Variants in FRMD5 observed in about 807,000 individuals in gnomAD.
FRMD5 encodes the protein FERM domain containing 5, also known as FERM domain-containing protein 5.
In FRMD5, 20 loss-of-function variants were observed where a neutral mutation model predicts 69.0. The observed-to-expected ratio is 0.29, with a 90% CI of 0.20 to 0.42. FRMD5 has a LOEUF of 0.42. Among genes scored for constraint, FRMD5 ranks in the 10% least tolerant of loss-of-function variants. The probability of loss-of-function intolerance (pLI) is 1.00; values close to 1 mark genes in which losing one functional copy is unlikely to be tolerated. For missense variants in FRMD5, 595 were observed against 708.6 expected, an observed-to-expected ratio of 0.84 and a Z score of 1.82; for synonymous variants, 271 against 260.1, an observed-to-expected ratio of 1.04 and a Z score of -0.40.
rs191515701 is a variant in FRMD5 at position 44,156,161 on chromosome 15, T to G, written c.102+38792A>C. 1.1e-3 allele frequency among the ~76,000 whole-genome samples: 173 copies of G among 151,958 alleles called. 1 individual carries two copies. The highest frequency in any genetic ancestry group is 4.1e-3 in the African/African-American group (168 of 41,446). Reference sequence around the variant, plus strand: ...AAAAAATGACATATAATTTTTTTTTTGAGACAGAGTCTCGCTCTGTCACCC... The same window carrying G: ...AAAAAATGACATATAATTTTTTTTTGGAGACAGAGTCTCGCTCTGTCACCC... On this transcript the variant is annotated intron_variant, in intron 1 of 13. Coordinates refer to ENST00000417257, the MANE Select transcript of FRMD5 (RefSeq NM_032892.5).
chr15:44,150,092 T>C (rs538365155), intron 1 of FRMD5, among the ~76,000 whole-genome samples: 16 of 152,182 alleles, frequency 1.1e-4, no homozygotes, highest in African/African-American at 3.9e-4. Flanking sequence ...ATAAAACTAT[T>C]TGACAAAAAT....
chr15:44,119,650 T>A (rs2076918776), intron 1 of FRMD5, among the ~76,000 whole-genome samples: 1 of 152,008 alleles, frequency 6.6e-6, no homozygotes, highest in Non-Finnish European at 1.5e-5. Context: ...AGTTTATGCA[T>A]TAGCAATGGT....
At chr15:43,911,351 T>C (rs1003714941) in intron 4 of FRMD5, among the ~76,000 whole-genome samples, 2 of 152,236 alleles carry the variant, frequency 1.3e-5, no homozygotes, top group African/African-American at 4.8e-5. Context: ...TTCCTCCTTG[T>C]TCTCTTGCCC....
intron 1 of FRMD5, among the ~76,000 whole-genome samples, chr15:43,948,206 C>A (rs1039176287): frequency 6.6e-6 from 1 of 152,218 alleles, no homozygotes; most frequent in Non-Finnish European, 1.5e-5. Flanking sequence ...AATATATAAT[C>A]ATTGTGCCAT....
chr15:43,887,244 G>A lies in FRMD5; in HGVS notation c.884+931C>T, dbSNP rs185289291. 1.4e-4 allele frequency among the ~76,000 whole-genome samples: 21 copies of A among 152,278 alleles called. 1 individual carries two copies. In the East Asian group the frequency reaches 3.5e-3, roughly 25 times the overall value. On this transcript the variant is annotated intron_variant, in intron 10 of 13. Coordinates refer to ENST00000417257, the MANE Select transcript of FRMD5 (RefSeq NM_032892.5). ...GCTAGTGCCTTCCTCTCTCTGCTGCGGAGACCCGTGGGACCCCAGTTCTTG... is the reference window on the plus strand; with the variant it reads ...GCTAGTGCCTTCCTCTCTCTGCTGCAGAGACCCGTGGGACCCCAGTTCTTG...
intron 1 of FRMD5, among the ~76,000 whole-genome samples, chr15:43,990,764 A>C (rs1889636515): frequency 6.6e-6 from 1 of 152,248 alleles, no homozygotes. Flanking sequence ...GAGACTAAAA[A>C]AACTGGCCAT....
intron 1 of FRMD5, among the ~76,000 whole-genome samples, chr15:44,065,270 G>A (rs1893261374): frequency 6.6e-6 from 1 of 152,176 alleles, no homozygotes; most frequent in Non-Finnish European, 1.5e-5. Flanking sequence ...TAATTATAAT[G>A]GTAAAGAGGT....
chr15:43,920,208 C>A (rs987327104), intron 2 of FRMD5, among the ~76,000 whole-genome samples: 2 of 152,136 alleles, frequency 1.3e-5, no homozygotes, highest in African/African-American at 2.4e-5. Context: ...TTCTGTTATG[C>A]ACCAGCTTTT....
chr15:44,031,351 C>T (rs1271082917), intron 1 of FRMD5, among the ~76,000 whole-genome samples: 2 of 152,160 alleles, frequency 1.3e-5, no homozygotes, highest in East Asian at 3.8e-4. Context: ...TCCATTTGGG[C>T]TTCTGTAACA....
intron 1 of FRMD5, among the ~76,000 whole-genome samples, chr15:43,944,336 A>T (rs539276260): frequency 6.6e-6 from 1 of 152,332 alleles, no homozygotes; most frequent in Non-Finnish European, 1.5e-5. Context: ...ATAACCCATT[A>T]ATCCATTAAC....
intron 1 of FRMD5, among the ~76,000 whole-genome samples, chr15:44,085,713 T>C (rs1243221274): frequency 6.6e-6 from 1 of 152,206 alleles, no homozygotes; most frequent in African/African-American, 2.4e-5. Context: ...CTACCAGCAG[T>C]ATGGCTAATG....
chr15:44,117,991 C>CTTTTT (rs747747488), intron 1 of FRMD5, among the ~76,000 whole-genome samples: 4,738 of 92,356 alleles, frequency 0.051, 340 homozygotes, highest in African/African-American at 0.13. Context: ...TTCTTTTTTA[C>CTTTTT]TTTTTTTTTT....
intron 1 of FRMD5, among the ~76,000 whole-genome samples, chr15:44,047,123 G>A (rs536188387): frequency 7.9e-5 from 12 of 152,244 alleles, no homozygotes; most frequent in Admixed American, 4.6e-4. Context: ...TCTGGCCAAC[G>A]TGGTGAAACC....
chr15:44,021,812 G>GA (rs763126145), intron 1 of FRMD5, among the ~76,000 whole-genome samples: 1 of 152,082 alleles, frequency 6.6e-6, no homozygotes, highest in South Asian at 2.1e-4. Flanking sequence ...CAAAAGAATT[G>GA]AAAACCAAGA....
chr15:44,000,288 T>C (rs1395795533), intron 1 of FRMD5, among the ~76,000 whole-genome samples: 2 of 152,014 alleles, frequency 1.3e-5, no homozygotes, highest in Non-Finnish European at 2.9e-5. Flanking sequence ...CACCTCACCC[T>C]ACCACAATTT....
intron 1 of FRMD5, among the ~76,000 whole-genome samples, chr15:44,011,837 C>A (rs906345055): frequency 1.3e-5 from 2 of 152,120 alleles, no homozygotes. Flanking sequence ...GAGGTCACAA[C>A]AGAAAATGCT....
intron 1 of FRMD5, among the ~76,000 whole-genome samples, chr15:44,035,806 A>G (rs1891882142): frequency 6.6e-6 from 1 of 152,184 alleles, no homozygotes; most frequent in Admixed American, 6.6e-5. Context: ...TTATGTTTAT[A>G]TATCATAAAA....
At chr15:44,135,937 T>C (rs1236291414) in intron 1 of FRMD5, among the ~76,000 whole-genome samples, 1 of 152,208 alleles carries the variant, frequency 6.6e-6, no homozygotes, top group Non-Finnish European at 1.5e-5. Context: ...CATAATATTA[T>C]TTAAAATACA....
At chr15:43,883,845 G>T in intron 12 of FRMD5, 36 bp from the exon 13 acceptor site, 4 of 1,489,844 alleles carry the variant, frequency 2.7e-6, no homozygotes, top group Non-Finnish European at 3.7e-6. Context: ...TTAATTCAGT[G>T]CATGGACACA....
Sources: allele counts gnomAD v4.1 joint callset (sites outside exome capture counted in the v4.1 genomes callset), GRCh38; gene constraint gnomAD v4.1.1; transcripts MANE v1.5; gene names NCBI Gene and HGNC (gene_info 2026-07-23, HGNC 2026-07-21).